RSL1D1: variants seen among roughly 807,000 people sequenced by gnomAD.
The protein encoded by RSL1D1 is ribosomal L1 domain containing 1.
In RSL1D1, 34 loss-of-function variants were observed where a neutral mutation model predicts 44.6. The ratio of observed to expected loss-of-function variants is 0.76; its 90% CI spans 0.58 to 1.02. The LOEUF (loss-of-function observed/expected upper bound fraction) is 1.02, where lower values mean the gene tolerates loss of function less well. Among genes scored for constraint, RSL1D1 ranks in the 50% least tolerant of loss-of-function variants. The pLI is 0.00. For synonymous variants in RSL1D1, 271 were observed against 207.4 expected, an observed-to-expected ratio of 1.31 and a Z score of -2.63; for missense variants, 767 against 568.1, an observed-to-expected ratio of 1.35 and a Z score of -3.56.
At chr16:11,851,260 G>A in intron 1 of RSL1D1, 148 bp downstream of exon 1, 2 of 752,756 alleles carry the variant, frequency 2.7e-6, no homozygotes, top group Non-Finnish European at 2.3e-6. Context: ...TGTGTAAAGG[G>A]GAGAGACAGC....
intron 7 of RSL1D1, among the ~76,000 whole-genome samples, chr16:11,840,830 A>G (rs1023790214): frequency 3.3e-5 from 5 of 152,174 alleles, no homozygotes; most frequent in African/African-American, 1.2e-4. Context: ...ATGTAGGTGT[A>G]TGAGTTTGTC....
Position 11,836,988 on chromosome 16 carries a change from T to A in RSL1D1, c.*799A>T, listed in dbSNP as rs1177820055. On this transcript the variant is annotated 3_prime_UTR_variant, in exon 9 of 9. Coordinates refer to ENST00000571133, the MANE Select transcript of RSL1D1 (RefSeq NM_015659.3). Reference sequence around the variant, plus strand: ...GCAAAGCAATGTTATACTTTGTTTTTTCTGAGACAGAATCTCACACTGTCA... The same window carrying A: ...GCAAAGCAATGTTATACTTTGTTTTATCTGAGACAGAATCTCACACTGTCA... 1 of 152,078 alleles carries A rather than the reference T, an allele frequency of 6.6e-6. No individual in the cohort carries two copies. The highest frequency in any genetic ancestry group is 1.9e-4 in the East Asian group (1 of 5,194). The allele number at this position is 152,078 out of a possible 1,614,324, so 9.4% of individuals were successfully genotyped here. A position where few individuals can be genotyped will look rare whatever the true frequency, so the allele number is the denominator to read the frequency against.
In RSL1D1 at chr16:11,841,950, T is replaced by C; in HGVS notation, c.686A>G (p.Asn229Ser). ...AAGTCCTTTGGTGACAGCAACAATG[T>C]TTTCAATGATGTGCTCAATTTGCAT... ...VGMQIEHIIENIVAVTKGLSE... is the reference protein window; with the variant it reads ...VGMQIEHIIESIVAVTKGLSE... Residue 229 changes from asparagine to serine, a missense_variant, in exon 6 of 9, where the codon AAC (asparagine) becomes AGC (serine). Transcript: ENST00000571133. The C allele has an allele frequency of 6.2e-7, 1 of 1,614,064 alleles. No homozygotes were observed.
Position 11,847,732 on chromosome 16 carries a change from G to C in RSL1D1, c.320C>G (p.Pro107Arg). 6.2e-7 allele frequency: 1 copy of C among 1,612,988 alleles called. No homozygotes were observed. Among genetic ancestry groups the C allele is most frequent in the Middle Eastern group, 1.7e-4 (1 of 6,058 alleles). The change falls in exon 3 of 9, where the codon CCT becomes CGT. Residue 107 changes from proline to arginine, a missense_variant. Transcript: ENST00000571133. ...LFTKDEPNST[P>R]EKTEQFYRKL... ...TCTATAAAACTGTTCTGTCTTTTCA[G>C]GAGTTGAATTGGGTTCATCCTTCGT... is the stretch of plus-strand genomic sequence containing the variant.
chr16:11,846,111 G>A (rs1397447768), intron 5 of RSL1D1, among the ~76,000 whole-genome samples: 1 of 151,286 alleles, frequency 6.6e-6, no homozygotes, highest in Non-Finnish European at 1.5e-5. Context: ...TTTTTAAAAA[G>A]GCCAGGTGCA....
chr16:11,838,040 C>T lies in RSL1D1; in HGVS notation c.1220G>A (p.Arg407Lys). 6.2e-7 allele frequency: 1 copy of T among 1,613,680 alleles called. No homozygotes were observed. The highest frequency in any genetic ancestry group is 8.5e-7 in the Non-Finnish European group (1 of 1,179,980). Residue 407 changes from arginine (R) to lysine (K), a missense_variant, in exon 9 of 9, where the codon AGA becomes AAA. Arg to Lys is a conservative substitution (Grantham distance 26). Transcript: ENST00000571133. ...PNPSTPRGKK[R>K]KALPASETPK... ...GGTCTCAGATGCTGGCAAAGCCTTT[C>T]TTTTCTTCCCACGAGGTGTGCTGGG...
chr16:11,847,858 C>A (rs757321238), intron 2 of RSL1D1, 52 bp from the exon 3 acceptor site: 1 of 1,544,874 alleles, frequency 6.5e-7, no homozygotes, highest in Non-Finnish European at 8.9e-7. Context: ...ACACATTATG[C>A]ATGTTTGTAT....
At position 11,847,725 on chromosome 16, in the gene RSL1D1, C is replaced by T. The variant is rs781370946; in HGVS notation, c.327G>A (p.Lys109=). ...TKDEPNSTPE[K]TEQFYRKLLN... is the part of the protein sequence containing the mutation. Reference sequence around the variant, plus strand: ...AAAGCTTTCTATAAAACTGTTCTGTCTTTTCAGGAGTTGAATTGGGTTCAT... The same window carrying T: ...AAAGCTTTCTATAAAACTGTTCTGTTTTTTCAGGAGTTGAATTGGGTTCAT... Residue 109 remains lysine, a synonymous_variant, in exon 3 of 9, where the codon AAG becomes AAA. Coordinates refer to ENST00000571133, the MANE Select transcript of RSL1D1 (RefSeq NM_015659.3). 1.9e-6 allele frequency: 3 copies of T among 1,613,370 alleles called. No homozygotes were observed. The South Asian group carries it at 3.3e-5, about 18-fold the overall frequency.
intron 5 of RSL1D1, among the ~76,000 whole-genome samples, chr16:11,844,044 G>A (rs2053782396): frequency 2.0e-5 from 3 of 152,100 alleles, no homozygotes; most frequent in Admixed American, 2.0e-4. Context: ...CAGAAGGAAG[G>A]CTCACTGTCG....
chr16:11,851,228 G>C (rs1421092078), intron 1 of RSL1D1, 180 bp downstream of exon 1: 2 of 663,880 alleles, frequency 3.0e-6, no homozygotes, highest in East Asian at 5.5e-5. Flanking sequence ...GCAGGACCAG[G>C]GAAAGCAGGC....
rs150419519 is a variant in RSL1D1, at chr16:11,851,493, G to A, written c.20C>T (p.Ala7Val). 3,532 of 1,613,886 alleles carry A rather than the reference G, an allele frequency of 2.2e-3. 7 individuals carry two copies. The highest frequency in any genetic ancestry group is 4.3e-3 in the Admixed American group (260 of 60,020). Residue 7 changes from alanine to valine, a missense_variant, in exon 1 of 9, where the codon GCC becomes GTC. Coordinates refer to ENST00000571133, the MANE Select transcript of RSL1D1 (RefSeq NM_015659.3). The part of the protein sequence containing the change: MEDSAS[A>V]SLSSAAATGT... ...AGTAGCGGCTGCAGAAGACAGCGAG[G>A]CCGAGGCCGAATCCTCCATCTTGTT...
intron 2 of RSL1D1, 135 bp from the exon 3 acceptor site, chr16:11,847,941 C>A: frequency 2.3e-6 from 2 of 854,274 alleles, no homozygotes; most frequent in Non-Finnish European, 3.7e-6. Flanking sequence ...AATAATGCAC[C>A]AAGAACAACA....
At chr16:11,843,323 G>A (rs896804205) in intron 5 of RSL1D1, among the ~76,000 whole-genome samples, 3 of 151,676 alleles carry the variant, frequency 2.0e-5, no homozygotes, top group East Asian at 2.0e-4. Flanking sequence ...CACCTGCCAC[G>A]GTCTCCCAAA....
At chr16:11,838,286 C>T (rs1280610208) in intron 8 of RSL1D1, among the ~76,000 whole-genome samples, 173 bp from the exon 9 acceptor site, 1 of 152,004 alleles carries the variant, frequency 6.6e-6, no homozygotes, top group Non-Finnish European at 1.5e-5. Context: ...CTCTGCCTCC[C>T]GAGTAGCTGG....
At chr16:11,851,210 G>A (rs1596444075) in intron 1 of RSL1D1, 198 bp downstream of exon 1, 2 of 634,968 alleles carry the variant, frequency 3.1e-6, no homozygotes, top group Admixed American at 4.8e-5. Flanking sequence ...ATTCACTAGC[G>A]CCAGGCCGCA....
At position 11,846,788 on chromosome 16, in the gene RSL1D1, C is replaced by T. The variant is rs1008390295; in HGVS notation, c.440G>A (p.Arg147His). 15 of 1,613,082 alleles carry T rather than the reference C, an allele frequency of 9.3e-6. No homozygotes were observed. Among genetic ancestry groups the T allele is most frequent in the East Asian group, 2.2e-5 (1 of 44,882 alleles). Reference protein sequence around the residue: ...KEYKSYEAKLRLLSSFDFFLT... With the variant: ...KEYKSYEAKLHLLSSFDFFLT... ...GAAGAAATCAAAACTGCTCAGAAGG[C>T]GGAGCTTGGCTTCATAGGATTTATA... Residue 147 changes from arginine (R) to histidine (H), a missense_variant, in exon 4 of 9, where the codon CGC (arginine) becomes CAC (histidine). Transcript: ENST00000571133.
chr16:11,841,904 T>C lies in RSL1D1; in HGVS notation c.729+3A>G. 4 of 1,613,044 alleles carry C rather than the reference T, an allele frequency of 2.5e-6. No individual in the cohort carries two copies. The highest frequency in any genetic ancestry group is 3.4e-6 in the Non-Finnish European group (4 of 1,179,466). On this transcript the variant is annotated splice_donor_region_variant and intron_variant, in intron 6 of 8. Coordinates refer to ENST00000571133, the MANE Select transcript of RSL1D1 (RefSeq NM_015659.3). ...ATCAATTGATGCACCTGTAATACTG[T>C]ACCTCTGGCAATTTTTCTGAAAGTC...
rs1375220025 is a variant in RSL1D1 at position 11,836,665 on chromosome 16, T to C, written c.*1122A>G. ...TGTTCTTGCCTCCGGTAGGTAGGATTCAATTTAGTCCCTGTATAAATGACT... is the reference window on the plus strand; with the variant it reads ...TGTTCTTGCCTCCGGTAGGTAGGATCCAATTTAGTCCCTGTATAAATGACT... On this transcript the variant is annotated 3_prime_UTR_variant, in exon 9 of 9. Coordinates refer to ENST00000571133, the MANE Select transcript of RSL1D1 (RefSeq NM_015659.3). The C allele has an allele frequency of 6.6e-6, 1 of 152,238 alleles. No homozygotes were observed. Among genetic ancestry groups the C allele is most frequent in the Non-Finnish European group, 1.5e-5 (1 of 68,044 alleles). The allele number at this position is 152,238 out of a possible 1,614,324, so 9.4% of individuals were successfully genotyped here. A position where few individuals can be genotyped will look rare whatever the true frequency, so the allele number is the denominator to read the frequency against.
chr16:11,850,696 G>A (rs1218996615), intron 1 of RSL1D1, among the ~76,000 whole-genome samples: 1 of 152,308 alleles, frequency 6.6e-6, no homozygotes, highest in East Asian at 1.9e-4. Flanking sequence ...GATTGGGCTA[G>A]AGGGAAACGT....
Sources: gnomAD v4.1 joint callset for allele counts (sites outside exome capture counted in the v4.1 genomes callset) on GRCh38, gnomAD v4.1.1 for gene constraint, MANE v1.5 for transcripts, NCBI Gene and HGNC (gene_info 2026-07-23, HGNC 2026-07-21) for gene names.